Variants in SLC8A1 observed in about 807,000 individuals in gnomAD.
The protein encoded by SLC8A1 is sodium/calcium exchanger 1.
SLC8A1 carries 18 observed loss-of-function variants against 68.3 expected under a neutral mutation model. That is an observed-to-expected ratio of 0.26 (90% confidence interval 0.18 to 0.39). The LOEUF is 0.39. SLC8A1 is among the 10% of genes least tolerant of loss of function. The pLI is 1.00. For missense variants in SLC8A1, 985 were observed against 1,156.7 expected, an observed-to-expected ratio of 0.85 and a Z score of 2.15; for synonymous variants, 475 against 415.5, an observed-to-expected ratio of 1.14 and a Z score of -1.74.
chr2:40,274,050 A>C (rs1336174290), intron 2 of SLC8A1, among the ~76,000 whole-genome samples: 3 of 151,488 alleles, frequency 2.0e-5, no homozygotes, highest in Non-Finnish European at 4.4e-5. Flanking sequence ...CTTATAAAAA[A>C]GGCATCGAGC....
At chr2:40,260,767 C>T (rs1245645835) in intron 2 of SLC8A1, among the ~76,000 whole-genome samples, 1 of 150,632 alleles carries the variant, frequency 6.6e-6, no homozygotes, top group Admixed American at 6.6e-5. Context: ...ATTTAGACTT[C>T]CTACGTGTAA....
intron 2 of SLC8A1, among the ~76,000 whole-genome samples, chr2:40,185,546 C>G (rs960955440): frequency 6.6e-6 from 1 of 152,140 alleles, no homozygotes; most frequent in Admixed American, 6.6e-5. Flanking sequence ...ATAGGCAAAT[C>G]CAGAGACAGA....
intron 1 of SLC8A1, among the ~76,000 whole-genome samples, chr2:40,451,671 G>A (rs1471398201): frequency 2.0e-5 from 3 of 151,374 alleles, no homozygotes; most frequent in African/African-American, 7.3e-5. Flanking sequence ...AGACGCACCA[G>A]CCCGAGCAAT....
intron 4 of SLC8A1, 36 bp from the exon 7 acceptor site, chr2:40,170,385 G>A: frequency 1.3e-6 from 2 of 1,556,838 alleles, no homozygotes; most frequent in Non-Finnish European, 1.8e-6. Context: ...CAGCAGAATG[G>A]ATTGCATTGA....
chr2:40,361,886 C>CTT (rs1559387901), intron 2 of SLC8A1, among the ~76,000 whole-genome samples: 2 of 80,922 alleles, frequency 2.5e-5, no homozygotes, highest in Non-Finnish European at 5.0e-5. Flanking sequence ...TCTTTTCTTT[C>CTT]CTTTTTTTTT....
chr2:40,252,726 A>T (rs916678530), intron 2 of SLC8A1, among the ~76,000 whole-genome samples: 29 of 145,962 alleles, frequency 2.0e-4, no homozygotes, highest in African/African-American at 8.0e-4. Context: ...TAAGATGCAA[A>T]CCAGCTCTTC....
chr2:40,329,135 C>A (rs925301984), intron 2 of SLC8A1, among the ~76,000 whole-genome samples: 3 of 151,710 alleles, frequency 2.0e-5, no homozygotes, highest in Non-Finnish European at 4.4e-5. Context: ...TGAAAACAGA[C>A]AAACTTTCAC....
chr2:40,355,974 G>A (rs887367282), intron 2 of SLC8A1, among the ~76,000 whole-genome samples: 4 of 152,018 alleles, frequency 2.6e-5, no homozygotes, highest in African/African-American at 9.7e-5. Flanking sequence ...TTGAACCTAC[G>A]ACATGCCAAG....
chr2:40,127,772 C>A lies in SLC8A1; in HGVS notation c.2437+11629G>T, dbSNP rs1362877855. Reference sequence around the variant, plus strand: ...CAGAGAGGCAGGATGGGGTGGGGAGCAATCGAGGGAGAGAAAACAAATACA... The same window carrying A: ...CAGAGAGGCAGGATGGGGTGGGGAGAAATCGAGGGAGAGAAAACAAATACA... On this transcript the variant is annotated intron_variant, in intron 7 of 7. Coordinates refer to ENST00000406785, the Ensembl canonical transcript of SLC8A1. 3.3e-5 allele frequency among the ~76,000 whole-genome samples: 5 copies of A among 152,118 alleles called. No homozygotes were observed. In the East Asian group the frequency reaches 5.8e-4, roughly 18 times the overall value.
intron 2 of SLC8A1, among the ~76,000 whole-genome samples, chr2:40,357,004 T>A (rs1364771800): frequency 1.3e-5 from 2 of 152,160 alleles, no homozygotes; most frequent in Admixed American, 1.3e-4. Flanking sequence ...AGAGTATAAT[T>A]CTAATAAACT....
chr2:40,359,137 T>C lies in SLC8A1; in HGVS notation c.1808+69336A>G, dbSNP rs77377603. On this transcript the variant is annotated intron_variant, in intron 2 of 7. Coordinates refer to ENST00000406785, the Ensembl canonical transcript of SLC8A1. ...GGGGTATCTAGCACGTACGCAGCTA[T>C]TGAGCACTTGAAATGGGGCTAGTTC... Among the ~76,000 whole-genome samples the C allele has an allele frequency of 4.9e-3, 749 of 152,200 alleles. 2 individuals are homozygous for C. Among genetic ancestry groups the C allele is most frequent in the South Asian group, 0.015 (73 of 4,814 alleles).
chr2:40,322,871 G>T (rs1478553400), intron 2 of SLC8A1, among the ~76,000 whole-genome samples: 3 of 150,384 alleles, frequency 2.0e-5, no homozygotes, highest in East Asian at 1.9e-4. Flanking sequence ...CCCACACACA[G>T]AATCTCATTT....
At chr2:40,300,202 A>T (rs2071191087) in intron 2 of SLC8A1, among the ~76,000 whole-genome samples, 1 of 152,216 alleles carries the variant, frequency 6.6e-6, no homozygotes, top group African/African-American at 2.4e-5. Context: ...GATTCCCCAT[A>T]TTAAATATAT....
intron 2 of SLC8A1, among the ~76,000 whole-genome samples, chr2:40,234,643 A>G (rs1178454409): frequency 1.3e-5 from 2 of 152,176 alleles, no homozygotes; most frequent in Admixed American, 1.3e-4. Flanking sequence ...TATGTTGAAT[A>G]GGAGTGGTGA....
chr2:40,230,438 A>G (rs1427670624), intron 2 of SLC8A1, among the ~76,000 whole-genome samples: 2 of 152,100 alleles, frequency 1.3e-5, no homozygotes, highest in Admixed American at 6.6e-5. Flanking sequence ...ACAGCCACAC[A>G]TTGCACCTTG....
intron 2 of SLC8A1, among the ~76,000 whole-genome samples, chr2:40,425,302 C>T (rs1393824696): frequency 6.6e-6 from 1 of 151,314 alleles, no homozygotes; most frequent in Non-Finnish European, 1.5e-5. Context: ...TATTTATAGA[C>T]ATTTTTATAT....
chr2:40,193,227 C>T (rs183506227), intron 2 of SLC8A1, among the ~76,000 whole-genome samples: 4 of 152,198 alleles, frequency 2.6e-5, no homozygotes, highest in Admixed American at 2.6e-4. Context: ...AGCTCATGAC[C>T]TGGACATCAT....
intron 2 of SLC8A1, among the ~76,000 whole-genome samples, chr2:40,315,579 G>A (rs114367583): frequency 1.3e-5 from 2 of 151,696 alleles, no homozygotes; most frequent in Non-Finnish European, 1.5e-5. Context: ...AAGTTGGTAT[G>A]TAACTTAAAA....
intron 2 of SLC8A1, among the ~76,000 whole-genome samples, chr2:40,242,713 T>G (rs2061379137): frequency 6.6e-6 from 1 of 152,164 alleles, no homozygotes; most frequent in Admixed American, 6.5e-5. Flanking sequence ...GATTTTAAAA[T>G]ATGGTATCTA....
Sources: allele counts gnomAD v4.1 joint callset (sites outside exome capture counted in the v4.1 genomes callset), GRCh38; gene constraint gnomAD v4.1.1; transcripts MANE v1.5; gene names NCBI Gene and HGNC (gene_info 2026-07-23, HGNC 2026-07-21).